HS3ST5: variants seen among roughly 807,000 people sequenced by gnomAD.
HS3ST5 encodes the protein heparan sulfate-glucosamine 3-sulfotransferase 5, also known as heparan sulfate glucosamine 3-O-sulfotransferase 5.
A neutral mutation model predicts 25.4 loss-of-function variants in HS3ST5; 10 were observed. The observed-to-expected ratio is 0.39, with a 90% CI of 0.24 to 0.67. The LOEUF (loss-of-function observed/expected upper bound fraction) is 0.67. HS3ST5 is among the 30% of genes least tolerant of loss of function. The pLI, the probability that HS3ST5 is intolerant of heterozygous loss-of-function variation, is 0.44. For missense variants in HS3ST5, 324 were observed against 420.7 expected (o/e 0.77, Z 2.01); for synonymous variants, 170 against 162.4 (o/e 1.05, Z -0.36).
chr6:114,190,404 A>C (rs1335299413), intron 2 of HS3ST5, among the ~76,000 whole-genome samples: 4 of 152,218 alleles, frequency 2.6e-5, no homozygotes, highest in African/African-American at 9.6e-5. Context: ...TTCCATGATT[A>C]CATCTGCTTT....
intron 3 of HS3ST5, chr6:114,084,522 C>T (rs1034577245): frequency 1.3e-6 from 1 of 758,930 alleles, no homozygotes; most frequent in Non-Finnish European, 2.4e-6. Flanking sequence ...CTTCCCGAGC[C>T]GGCGTCCACC....
intron 2 of HS3ST5, among the ~76,000 whole-genome samples, chr6:114,174,701 A>C (rs978579848): frequency 5.3e-5 from 8 of 152,140 alleles, no homozygotes; most frequent in African/African-American, 1.9e-4. Context: ...TATCTCTATA[A>C]AGCAAAATGC....
chr6:114,292,750 C>T (rs957606630), intron 1 of HS3ST5, among the ~76,000 whole-genome samples: 2 of 152,132 alleles, frequency 1.3e-5, no homozygotes, highest in Admixed American at 6.5e-5. Flanking sequence ...CCCGAAGATA[C>T]CTGAGGATGC....
chr6:114,202,477 G>C (rs909689363), intron 2 of HS3ST5, among the ~76,000 whole-genome samples: 14 of 152,168 alleles, frequency 9.2e-5, no homozygotes, highest in African/African-American at 3.4e-4. Flanking sequence ...GAGAGTTCCT[G>C]TTACATAGAA....
At chr6:114,224,916 A>T (rs1782220977) in intron 2 of HS3ST5, among the ~76,000 whole-genome samples, 1 of 151,730 alleles carries the variant, frequency 6.6e-6, no homozygotes, top group African/African-American at 2.4e-5. Flanking sequence ...TTGGCTGGAT[A>T]GATAATAGTT....
intron 3 of HS3ST5, among the ~76,000 whole-genome samples, chr6:114,135,379 AG>A (rs1381708376): frequency 6.6e-6 from 1 of 152,190 alleles, no homozygotes; most frequent in East Asian, 1.9e-4. Context: ...AGGAGGAAGA[AG>A]GGGTGATGAC....
Position 114,111,188 on chromosome 6 carries a change from G to T in HS3ST5, c.-32-48311C>A, listed in dbSNP as rs576761123. 6.0e-4 allele frequency among the ~76,000 whole-genome samples: 92 copies of T among 152,244 alleles called. 1 individual carries two copies. Among genetic ancestry groups the T allele is most frequent in the African/African-American group, 2.0e-3 (84 of 41,560 alleles). On this transcript the variant is annotated intron_variant, in intron 3 of 4. Coordinates refer to ENST00000312719, the MANE Select transcript of HS3ST5 (RefSeq NM_153612.4). ...TGACATAGAAACTATAAACTTCTCA[G>T]TCCATTTTGTACTGGTTTCAATGGA... is the stretch of plus-strand genomic sequence containing the variant.
intron 1 of HS3ST5, among the ~76,000 whole-genome samples, chr6:114,268,944 A>C (rs1266315422): frequency 6.6e-6 from 1 of 152,176 alleles, no homozygotes; most frequent in African/African-American, 2.4e-5. Flanking sequence ...TCCTCATGCT[A>C]GCTCTCCAAT....
intron 3 of HS3ST5, among the ~76,000 whole-genome samples, chr6:114,101,151 C>T (rs1032350678): frequency 6.6e-6 from 1 of 152,106 alleles, no homozygotes; most frequent in African/African-American, 2.4e-5. Flanking sequence ...TGGTTCATTG[C>T]TGCAGCAACT....
intron 1 of HS3ST5, among the ~76,000 whole-genome samples, chr6:114,297,594 T>C (rs1448249676): frequency 1.3e-5 from 2 of 152,188 alleles, no homozygotes; most frequent in East Asian, 1.9e-4. Flanking sequence ...AATGAAGGCC[T>C]TTCTCCTGTG....
intron 1 of HS3ST5, among the ~76,000 whole-genome samples, chr6:114,297,816 G>A (rs1197390233): frequency 6.6e-6 from 1 of 152,194 alleles, no homozygotes; most frequent in African/African-American, 2.4e-5. Flanking sequence ...CATAGCCCAA[G>A]CTGCCAAAAT....
intron 1 of HS3ST5, among the ~76,000 whole-genome samples, chr6:114,265,572 G>C (rs762479000): frequency 1.2e-4 from 19 of 152,136 alleles, no homozygotes; most frequent in Non-Finnish European, 2.6e-4. Flanking sequence ...GAGAATGATG[G>C]GAAAACCGAA....
chr6:114,341,189 AGAGG>A, intron 1 of HS3ST5, among the ~76,000 whole-genome samples: 4 of 133,378 alleles, frequency 3.0e-5, no homozygotes, highest in Admixed American at 7.5e-5. Context: ...AGGGAGAGGG[AGAGG>A]GAGAGGGAGA....
intron 1 of HS3ST5, among the ~76,000 whole-genome samples, chr6:114,241,547 G>C (rs554278277): frequency 6.6e-6 from 1 of 152,080 alleles, no homozygotes; most frequent in Non-Finnish European, 1.5e-5. Flanking sequence ...GCTCTTATCA[G>C]GCAAAGTCAT....
chr6:114,127,379 A>G (rs891089660), intron 3 of HS3ST5, among the ~76,000 whole-genome samples: 1 of 152,228 alleles, frequency 6.6e-6, no homozygotes, highest in Non-Finnish European at 1.5e-5. Context: ...ATACAACTGT[A>G]AGTTATTACC....
chr6:114,188,628 C>A (rs1433645965), intron 2 of HS3ST5, among the ~76,000 whole-genome samples: 1 of 152,004 alleles, frequency 6.6e-6, no homozygotes, highest in Non-Finnish European at 1.5e-5. Flanking sequence ...TTATTAATAT[C>A]ATGCTTTTAT....
At chr6:114,180,650 C>A (rs1409908260) in intron 2 of HS3ST5, among the ~76,000 whole-genome samples, 9 of 152,272 alleles carry the variant, frequency 5.9e-5, no homozygotes, top group Admixed American at 4.6e-4. Flanking sequence ...AACTTGTGTG[C>A]TTTTTCACTG....
intron 2 of HS3ST5, among the ~76,000 whole-genome samples, chr6:114,206,373 C>A (rs951636184): frequency 6.6e-6 from 1 of 152,238 alleles, no homozygotes; most frequent in African/African-American, 2.4e-5. Flanking sequence ...ATGAAGCTAG[C>A]AAATTGCATC....
intron 3 of HS3ST5, among the ~76,000 whole-genome samples, chr6:114,125,987 T>C (rs1317950506): frequency 2.6e-5 from 4 of 152,276 alleles, no homozygotes; most frequent in African/African-American, 7.2e-5. Context: ...TAGGAGGCCA[T>C]TGAGACAACA....
Sources: gnomAD v4.1 joint callset for allele counts (sites outside exome capture counted in the v4.1 genomes callset) on GRCh38, gnomAD v4.1.1 for gene constraint, MANE v1.5 for transcripts, NCBI Gene and HGNC (gene_info 2026-07-23, HGNC 2026-07-21) for gene names.